Variants in TMEM135 observed in about 807,000 individuals in gnomAD.
TMEM135 encodes the protein peroxisomal membrane protein 52.
Under a neutral mutation model 60.3 loss-of-function variants are expected in TMEM135, and 30 were observed. The ratio of observed to expected loss-of-function variants is 0.50; its 90% CI spans 0.37 to 0.68. The LOEUF is 0.68. Among genes scored for constraint, TMEM135 ranks in the 30% least tolerant of loss-of-function variants. The pLI, the probability that TMEM135 is intolerant of heterozygous loss-of-function variation, is 0.00. For missense variants in TMEM135, 468 were observed against 548.8 expected (o/e 0.85, Z 1.47); for synonymous variants, 190 against 186.7 (o/e 1.02, Z -0.14).
intron 5 of TMEM135, among the ~76,000 whole-genome samples, chr11:87,229,267 G>A (rs542727072): frequency 6.6e-6 from 1 of 151,822 alleles, no homozygotes; most frequent in Admixed American, 6.6e-5. Context: ...TTTCTAAAAG[G>A]CCATTAACCC....
intron 6 of TMEM135, among the ~76,000 whole-genome samples, chr11:87,270,728 T>A (rs1407099599): frequency 6.6e-6 from 1 of 152,154 alleles, no homozygotes; most frequent in Non-Finnish European, 1.5e-5. Flanking sequence ...AGAATATTGA[T>A]CATGACATCA....
Position 87,328,293 on chromosome 11 carries a change from T to C in TMEM135, c.*6960T>C. ...ATACTGTCAATCTCGTCTTTGAAGG[T>C]TTTGCTCATCTTTAAAAAATCTTAG... On this transcript the variant is annotated 3_prime_UTR_variant, in exon 15 of 15. Coordinates refer to ENST00000305494, the MANE Select transcript of TMEM135 (RefSeq NM_022918.4). 1 of 454,108 alleles carries C rather than the reference T, an allele frequency of 2.2e-6. No homozygotes were observed. Among genetic ancestry groups the C allele is most frequent in the South Asian group, 1.6e-5 (1 of 64,472 alleles). 28.1% of individuals were successfully genotyped at this position (454,108 alleles called of 1,614,324 possible). A position where few individuals can be genotyped will look rare whatever the true frequency, so the allele number is the denominator to read the frequency against.
chr11:87,167,102 C>T (rs927365153), intron 5 of TMEM135, among the ~76,000 whole-genome samples: 10 of 152,084 alleles, frequency 6.6e-5, no homozygotes, highest in Admixed American at 6.6e-4. Flanking sequence ...ATTTGGCGTT[C>T]TCTTTGTCTG....
chr11:87,190,276 G>C (rs1939768236), intron 5 of TMEM135, among the ~76,000 whole-genome samples: 2 of 152,116 alleles, frequency 1.3e-5, no homozygotes, highest in African/African-American at 2.4e-5. Flanking sequence ...TTTGGTTGCT[G>C]TCTGTGAGGA....
intron 5 of TMEM135, among the ~76,000 whole-genome samples, chr11:87,223,968 C>G (rs1251752435): frequency 6.6e-6 from 1 of 152,084 alleles, no homozygotes; most frequent in Non-Finnish European, 1.5e-5. Context: ...CTGGATAGGT[C>G]CAAACCAAAC....
chr11:87,040,609 C>G (rs1477612317), intron 1 of TMEM135, among the ~76,000 whole-genome samples: 1 of 150,320 alleles, frequency 6.7e-6, no homozygotes, highest in Non-Finnish European at 1.5e-5. Context: ...TTGTAGTGAG[C>G]TGAGATCATG....
intron 5 of TMEM135, among the ~76,000 whole-genome samples, chr11:87,178,048 C>G (rs761610177): frequency 3.4e-4 from 51 of 152,164 alleles, no homozygotes; most frequent in Admixed American, 1.7e-3. Context: ...TCCACCAAGC[C>G]TCAGTGTTCA....
At chr11:87,075,283 C>T (rs1374198967) in intron 3 of TMEM135, among the ~76,000 whole-genome samples, 2 of 151,966 alleles carry the variant, frequency 1.3e-5, no homozygotes, top group African/African-American at 2.4e-5. Context: ...CTCAGCCTGC[C>T]GAGTAGCTGG....
chr11:87,247,661 G>A (rs186207692), intron 6 of TMEM135, among the ~76,000 whole-genome samples: 5 of 152,190 alleles, frequency 3.3e-5, no homozygotes, highest in South Asian at 2.1e-4. Context: ...CTCCGAGCCA[G>A]GTGTGGGATA....
intron 6 of TMEM135, among the ~76,000 whole-genome samples, chr11:87,286,358 C>T (rs918882547): frequency 3.3e-5 from 5 of 151,564 alleles, no homozygotes; most frequent in Non-Finnish European, 4.4e-5. Context: ...CCATGAACCC[C>T]GAGCTAGACA....
chr11:87,203,032 C>CAAAAAAAAAAAAAAAAAAAAAAA (rs534909524), intron 5 of TMEM135, among the ~76,000 whole-genome samples: 2 of 33,592 alleles, frequency 6.0e-5, no homozygotes, highest in African/African-American at 1.8e-4. Flanking sequence ...GACTCCGTCT[C>CAAAAAAAAAAAAAAAAAAAAAAA]AAAAAAAAAA....
chr11:87,100,124 T>C (rs929833730), intron 4 of TMEM135, among the ~76,000 whole-genome samples: 2 of 152,178 alleles, frequency 1.3e-5, no homozygotes, highest in African/African-American at 4.8e-5. Context: ...AATTTTAGTA[T>C]TAGAAAAATT....
intron 5 of TMEM135, among the ~76,000 whole-genome samples, chr11:87,175,493 A>C (rs1305961989): frequency 1.3e-5 from 2 of 152,224 alleles, no homozygotes. Context: ...GCCTTTCTAC[A>C]CTGAGATGAT....
chr11:87,283,021 A>G (rs113934203), intron 6 of TMEM135, among the ~76,000 whole-genome samples: 6 of 152,252 alleles, frequency 3.9e-5, no homozygotes, highest in Admixed American at 1.3e-4. Context: ...AGGATACTCT[A>G]TAAGTCTTCA....
At chr11:87,309,708 T>C in intron 10 of TMEM135, 36 bp downstream of exon 10, 1 of 1,600,170 alleles carries the variant, frequency 6.2e-7, no homozygotes, top group African/African-American at 1.3e-5. Flanking sequence ...AAATGGGAAA[T>C]AAATAACATT....
intron 4 of TMEM135, among the ~76,000 whole-genome samples, chr11:87,114,762 A>G (rs1420055342): frequency 2.0e-5 from 3 of 152,212 alleles, no homozygotes; most frequent in African/African-American, 7.2e-5. Context: ...CAAGGTGGGC[A>G]AAAGAACACA....
intron 6 of TMEM135, among the ~76,000 whole-genome samples, chr11:87,273,530 TCACA>T (rs1226337809): frequency 6.6e-6 from 1 of 152,140 alleles, no homozygotes; most frequent in African/African-American, 2.4e-5. Flanking sequence ...ATTGTATTGC[TCACA>T]AAATGAAAAT....
chr11:87,039,756 G>A (rs1216683347), intron 1 of TMEM135, among the ~76,000 whole-genome samples: 3 of 152,164 alleles, frequency 2.0e-5, no homozygotes, highest in Non-Finnish European at 2.9e-5. Context: ...TGATATAGGT[G>A]GAAAGAGAGT....
intron 5 of TMEM135, among the ~76,000 whole-genome samples, chr11:87,205,537 TAGA>T (rs1940216602): frequency 6.6e-6 from 1 of 152,116 alleles, no homozygotes; most frequent in African/African-American, 2.4e-5. Context: ...TGGAATAGGG[TAGA>T]AGTTTTTCCA....
Sources: gnomAD v4.1 joint callset for allele counts (sites outside exome capture counted in the v4.1 genomes callset) on GRCh38, gnomAD v4.1.1 for gene constraint, MANE v1.5 for transcripts, NCBI Gene and HGNC (gene_info 2026-07-23, HGNC 2026-07-21) for gene names.